Variants in ANKS3 observed in about 807,000 individuals in gnomAD.
ANKS3 encodes the protein ankyrin repeat and SAM domain-containing protein 3.
ANKS3 carries 62 observed loss-of-function variants against 80.7 expected under a neutral mutation model. The observed-to-expected ratio is 0.77, with a 90% CI of 0.63 to 0.95. The LOEUF is 0.95. Among genes scored for constraint, ANKS3 ranks in the 40% least tolerant of loss-of-function variants. The pLI is 0.00. For synonymous variants in ANKS3, 489 were observed against 355.3 expected (o/e 1.38, Z -4.23); for missense variants, 1,150 against 883.6 (o/e 1.30, Z -3.82).
chr16:4,726,829 G>C (rs2081377978), intron 4 of ANKS3, 49 bp from the exon 5 acceptor site: 14 of 1,601,964 alleles, frequency 8.7e-6, no homozygotes, highest in Non-Finnish European at 1.2e-5. Flanking sequence ...CCTCTGCGTG[G>C]GGCGGGCGCC....
Position 4,698,915 on chromosome 16 carries a change from G to A in ANKS3, c.1436C>T (p.Thr479Met), listed in dbSNP as rs756410421. The A allele has an allele frequency of 1.6e-5, 25 of 1,599,128 alleles. No homozygotes were observed. The Admixed American group carries it at 2.2e-4, about 14-fold the overall frequency. The change falls in exon 13 of 18, where the codon ACG (threonine) becomes ATG (methionine). Residue 479 changes from threonine (T) to methionine (M), a missense_variant. Transcript: ENST00000304283. ...ITLFGPKRKM[T>M]SAIARWHSSA... ...GCTGTGCCAGCGGGCAATGGCGGAC[G>A]TCATCTTCCTCTTGGGCCCAAACAG...
chr16:4,701,012 C>T lies in ANKS3; in HGVS notation c.1242G>A (p.Glu414=), dbSNP rs141062211. ...AATDREGFLA[E]SSPQTQRAPY... ...GGGCCCTCTGAGTCTGGGGGCTGGA[C>T]TCAGCGAGAAAGCCTTCCCTGTCAG... The change falls in exon 11 of 18, where the codon GAG becomes GAA. Residue 414 remains glutamate, a synonymous_variant. Transcript: ENST00000304283. The T allele has an allele frequency of 7.2e-4, 1,168 of 1,614,030 alleles. 10 individuals are homozygous for T. The African/African-American group carries it at 0.014, about 19-fold the overall frequency.
intron 9 of ANKS3, 178 bp from the exon 10 acceptor site, chr16:4,701,721 TTCTG>T (rs2142035927): frequency 3.6e-6 from 2 of 551,440 alleles, no homozygotes; most frequent in East Asian, 3.0e-5. Context: ...CGGGCAGGGC[TTCTG>T]TCTTTTTTGT....
At chr16:4,719,363 T>G (rs1263535033) in intron 6 of ANKS3, among the ~76,000 whole-genome samples, 1 of 152,166 alleles carries the variant, frequency 6.6e-6, no homozygotes, top group Non-Finnish European at 1.5e-5. Context: ...TCAAAAATTA[T>G]AAGAGTACAT....
intron 3 of ANKS3, among the ~76,000 whole-genome samples, chr16:4,729,002 AG>A (rs1468574370): frequency 8.5e-5 from 13 of 152,310 alleles, no homozygotes; most frequent in African/African-American, 2.6e-4. Flanking sequence ...AGAGGCACGC[AG>A]AGAGAGGAAG....
rs569413203 is a variant in ANKS3, at chr16:4,731,554, T to C, written c.-45A>G. 1.6e-5 allele frequency: 14 copies of C among 856,556 alleles called. No homozygotes were observed. The African/African-American group carries it at 1.6e-4, about 10-fold the overall frequency. 53.1% of individuals were successfully genotyped at this position (856,556 alleles called of 1,614,324 possible). On this transcript the variant is annotated 5_prime_UTR_variant, in exon 2 of 18. It adds an upstream start codon to the 5' untranslated region. Transcript: ENST00000304283. ...CCTCAGCCTCTCAAAGTCCTGGAAA[T>C]ATAGGCGTGAGCCACTGCACCTGGC...
At chr16:4,733,323 A>C (rs1292306640) in intron 1 of ANKS3, among the ~76,000 whole-genome samples, 1 of 151,318 alleles carries the variant, frequency 6.6e-6, no homozygotes, top group African/African-American at 2.4e-5. Flanking sequence ...ACATAATCTC[A>C]CTCTGTTACC....
At chr16:4,710,426 G>A (rs1471305913) in intron 7 of ANKS3, among the ~76,000 whole-genome samples, 1 of 152,142 alleles carries the variant, frequency 6.6e-6, no homozygotes, top group Non-Finnish European at 1.5e-5. Flanking sequence ...ATATTTTCCA[G>A]GTCAGGTGCA....
At chr16:4,709,765 C>G (rs941772712) in intron 7 of ANKS3, among the ~76,000 whole-genome samples, 4 of 152,202 alleles carry the variant, frequency 2.6e-5, no homozygotes. Context: ...AATCCCAACA[C>G]TCTGGGAGGC....
chr16:4,724,695 T>C, intron 6 of ANKS3, 55 bp downstream of exon 6: 7 of 1,503,840 alleles, frequency 4.7e-6, no homozygotes, highest in Non-Finnish European at 1.8e-6. Context: ...ACTTCAGTAA[T>C]ATGATTCCTC....
At chr16:4,701,395 G>A (rs1292473971) in intron 10 of ANKS3, 39 bp downstream of exon 10, 1 of 1,531,028 alleles carries the variant, frequency 6.5e-7, no homozygotes, top group Non-Finnish European at 8.8e-7. Flanking sequence ...TCCCAGCCAG[G>A]GACCGGCTAT....
At chr16:4,729,921 G>A (rs1220668643) in intron 3 of ANKS3, 59 bp downstream of exon 3, 2 of 1,382,634 alleles carry the variant, frequency 1.4e-6, no homozygotes, top group Non-Finnish European at 1.9e-6. Flanking sequence ...CATCACGTGG[G>A]ATCGAAGCCA....
intron 7 of ANKS3, among the ~76,000 whole-genome samples, chr16:4,711,223 C>T (rs2080467449): frequency 6.6e-6 from 1 of 151,212 alleles, no homozygotes; most frequent in Non-Finnish European, 1.5e-5. Flanking sequence ...CCCACCTCAG[C>T]CTCCCGAGTA....
chr16:4,702,066 C>A, intron 9 of ANKS3, 36 bp downstream of exon 9: 1 of 1,543,902 alleles, frequency 6.5e-7, no homozygotes, highest in South Asian at 1.2e-5. Flanking sequence ...CAGGACCTGC[C>A]TGAGCCACGG....
At chr16:4,713,592 T>A (rs755115682) in intron 7 of ANKS3, among the ~76,000 whole-genome samples, 1 of 152,150 alleles carries the variant, frequency 6.6e-6, no homozygotes, top group Admixed American at 6.6e-5. Context: ...CAAAAGTACA[T>A]TGGAACAAGA....
rs895783759 is a variant in ANKS3, at chr16:4,716,308, C to T, written c.574-2122G>A. Reference sequence around the variant, plus strand: ...CCCAGGAGGTGGAGGTTGCAGTGAGCCAAGATCGCACCACTGGACTCCAGC... The same window carrying T: ...CCCAGGAGGTGGAGGTTGCAGTGAGTCAAGATCGCACCACTGGACTCCAGC... On this transcript the variant is annotated intron_variant, in intron 6 of 17. Coordinates refer to ENST00000304283, the MANE Select transcript of ANKS3 (RefSeq NM_133450.4). Among the ~76,000 whole-genome samples the T allele has an allele frequency of 2.0e-5, 3 of 148,774 alleles. No homozygotes were observed. The Admixed American group carries it at 2.0e-4, about 10-fold the overall frequency.
At position 4,705,174 on chromosome 16, in the gene ANKS3, G is replaced by A. The variant is rs2080118395; in HGVS notation, c.789C>T (p.Val263=). Residue 263 remains valine, a synonymous_variant, in exon 8 of 18, where the codon GTC becomes GTT. Coordinates refer to ENST00000304283, the MANE Select transcript of ANKS3 (RefSeq NM_133450.4). ...QRQRPCRKKG[V]SIHEGPRALA... The stretch of plus-strand genomic sequence containing the variant: ...GGGCTCGCGGTCCCTCGTGGATGCT[G>A]ACACCCTTCTTCCGGCAAGGCCTCT... 1.2e-6 allele frequency: 2 copies of A among 1,613,886 alleles called. No individual in the cohort carries two copies. The highest frequency in any genetic ancestry group is 1.7e-6 in the Non-Finnish European group (2 of 1,180,042).
At chr16:4,716,285 C>T (rs1166475534) in intron 6 of ANKS3, among the ~76,000 whole-genome samples, 2 of 148,372 alleles carry the variant, frequency 1.3e-5, no homozygotes, top group East Asian at 4.0e-4. Context: ...CGCTTGAACC[C>T]AGGAGGTGGA....
At chr16:4,731,778 G>GA (rs1351644533) in intron 1 of ANKS3, among the ~76,000 whole-genome samples, 199 bp from the exon 2 acceptor site, 5 of 152,152 alleles carry the variant, frequency 3.3e-5, no homozygotes, top group African/African-American at 1.2e-4. Flanking sequence ...GCTATGGGGG[G>GA]AAATATAACA....
Sources: gnomAD v4.1 joint callset for allele counts (sites outside exome capture counted in the v4.1 genomes callset) on GRCh38, gnomAD v4.1.1 for gene constraint, MANE v1.5 for transcripts, NCBI Gene and HGNC (gene_info 2026-07-23, HGNC 2026-07-21) for gene names.